GRIA4: variants seen among roughly 807,000 people sequenced by gnomAD.
The protein encoded by GRIA4 is glutamate receptor 4.
GRIA4 carries 34 observed loss-of-function variants against 104.0 expected under a neutral mutation model. The ratio of observed to expected loss-of-function variants is 0.33; its 90% CI spans 0.25 to 0.44. The LOEUF (loss-of-function observed/expected upper bound fraction) is 0.44. GRIA4 is among the 20% of genes least tolerant of loss of function. GRIA4 has a pLI of 1.00. For missense variants in GRIA4, 750 were observed against 1,096.5 expected (o/e 0.68, Z 4.46); for synonymous variants, 386 against 381.9 (o/e 1.01, Z -0.13).
chr11:105,859,140 C>T (rs1945125343), intron 4 of GRIA4, among the ~76,000 whole-genome samples: 2 of 152,012 alleles, frequency 1.3e-5, no homozygotes, highest in South Asian at 4.1e-4. Context: ...GTATTTTATC[C>T]TAGTTACAAT....
chr11:105,886,004 T>C lies in GRIA4; in HGVS notation c.673-1515T>C, dbSNP rs536422281. ...GAAGTACAACAAATCCTAAACAATATGAACAGAAATTAAAAAGTAAAAATC... is the reference window on the plus strand; with the variant it reads ...GAAGTACAACAAATCCTAAACAATACGAACAGAAATTAAAAAGTAAAAATC... On this transcript the variant is annotated intron_variant, in intron 5 of 16. Coordinates refer to ENST00000282499, the MANE Select transcript of GRIA4 (RefSeq NM_000829.4). Among the ~76,000 whole-genome samples the C allele has an allele frequency of 4.8e-4, 73 of 152,204 alleles. 1 individual carries two copies. The highest frequency in any genetic ancestry group is 1.5e-3 in the African/African-American group (62 of 41,528).
intron 3 of GRIA4, among the ~76,000 whole-genome samples, chr11:105,744,626 TC>T (rs944647313): frequency 1.3e-5 from 2 of 152,104 alleles, no homozygotes; most frequent in African/African-American, 4.8e-5. Flanking sequence ...AAGGCTCATC[TC>T]CTCTAGACCC....
intron 3 of GRIA4, among the ~76,000 whole-genome samples, chr11:105,660,925 G>C (rs545779242): frequency 6.6e-6 from 1 of 151,564 alleles, no homozygotes; most frequent in South Asian, 2.1e-4. Context: ...CTGTAGATAA[G>C]TTTATAGAGA....
chr11:105,878,134 T>C (rs1467894766), intron 5 of GRIA4, among the ~76,000 whole-genome samples: 1 of 152,194 alleles, frequency 6.6e-6, no homozygotes, highest in Non-Finnish European at 1.5e-5. Flanking sequence ...GCTATTCTTT[T>C]CTGTTTGTTA....
intron 5 of GRIA4, among the ~76,000 whole-genome samples, chr11:105,871,085 A>G (rs1945595561): frequency 6.6e-6 from 1 of 152,098 alleles, no homozygotes; most frequent in South Asian, 2.1e-4. Context: ...TCGGCTTAGG[A>G]AAACCCCTGC....
chr11:105,686,586 A>G (rs894613420), intron 3 of GRIA4, among the ~76,000 whole-genome samples: 9 of 152,300 alleles, frequency 5.9e-5, no homozygotes, highest in Admixed American at 5.2e-4. Context: ...TTGGATATAT[A>G]CCCAGCAATG....
chr11:105,688,186 CT>C (rs1455796973), intron 3 of GRIA4, among the ~76,000 whole-genome samples: 1 of 151,148 alleles, frequency 6.6e-6, no homozygotes, highest in Non-Finnish European at 1.5e-5. Flanking sequence ...ATCTATCTAT[CT>C]ATTTATCTAT....
intron 4 of GRIA4, among the ~76,000 whole-genome samples, chr11:105,768,507 T>C (rs569332436): frequency 6.6e-6 from 1 of 152,116 alleles, no homozygotes; most frequent in Non-Finnish European, 1.5e-5. Flanking sequence ...ATTGCTTCAG[T>C]TTTCACGTAA....
chr11:105,832,520 C>T lies in GRIA4; in HGVS notation c.488-29504C>T, dbSNP rs537858467. On this transcript the variant is annotated intron_variant, in intron 4 of 16. Transcript: ENST00000282499. ...TTCTCTGCTGCAACCCTCTGAAGTA[C>T]GCAGGGCTGGTATTAGTATCTTCAT... is the stretch of plus-strand genomic sequence containing the variant. 5.1e-4 allele frequency among the ~76,000 whole-genome samples: 78 copies of T among 151,908 alleles called. No homozygotes were observed. The South Asian group carries it at 8.1e-3, about 16-fold the overall frequency.
chr11:105,693,035 T>C (rs2135499699), intron 3 of GRIA4, among the ~76,000 whole-genome samples: 1 of 152,342 alleles, frequency 6.6e-6, no homozygotes, highest in African/African-American at 2.4e-5. Flanking sequence ...CTGAGGGCAT[T>C]GAAAGCTTCA....
chr11:105,744,530 G>C (rs1178146327), intron 3 of GRIA4, among the ~76,000 whole-genome samples: 1 of 152,168 alleles, frequency 6.6e-6, no homozygotes, highest in African/African-American at 2.4e-5. Flanking sequence ...CTAATACGGA[G>C]TGGTAAGGCT....
intron 4 of GRIA4, among the ~76,000 whole-genome samples, chr11:105,839,689 C>T (rs977243551): frequency 1.3e-5 from 2 of 151,740 alleles, no homozygotes; most frequent in African/African-American, 4.8e-5. Context: ...GCCTGGGCAA[C>T]AGAGCAAGAC....
chr11:105,956,336 C>T (rs1439445698), intron 14 of GRIA4, among the ~76,000 whole-genome samples: 1 of 152,118 alleles, frequency 6.6e-6, no homozygotes, highest in Non-Finnish European at 1.5e-5. Flanking sequence ...TCAATTCCCA[C>T]CTATGAGTGA....
intron 3 of GRIA4, among the ~76,000 whole-genome samples, chr11:105,616,781 T>C (rs1478485823): frequency 6.6e-5 from 10 of 151,808 alleles, no homozygotes; most frequent in Non-Finnish European, 1.3e-4. Flanking sequence ...AAATGAGTGA[T>C]GTGACTCAAC....
At chr11:105,667,183 C>T (rs1165435252) in intron 3 of GRIA4, among the ~76,000 whole-genome samples, 1 of 151,716 alleles carries the variant, frequency 6.6e-6, no homozygotes, top group African/African-American at 2.4e-5. Flanking sequence ...TTGTATGCAC[C>T]TAGCAAGGAA....
chr11:105,656,410 TA>T (rs60485377), intron 3 of GRIA4, among the ~76,000 whole-genome samples: 78,664 of 151,700 alleles, frequency 0.52, 20,667 homozygotes, highest in Admixed American at 0.61. Context: ...CCTAAACCAA[TA>T]AAAAAACCCT....
intron 6 of GRIA4, among the ~76,000 whole-genome samples, chr11:105,891,968 T>C (rs1045734397): frequency 6.6e-6 from 1 of 152,032 alleles, no homozygotes; most frequent in African/African-American, 2.4e-5. Context: ...GTTATTATAA[T>C]TGCTTTAATT....
At chr11:105,642,163 G>C (rs1951383556) in intron 3 of GRIA4, among the ~76,000 whole-genome samples, 1 of 152,050 alleles carries the variant, frequency 6.6e-6, no homozygotes, top group East Asian at 1.9e-4. Flanking sequence ...CACATTCTGA[G>C]GTACTGGGAA....
At chr11:105,792,254 G>A (rs1347459517) in intron 4 of GRIA4, among the ~76,000 whole-genome samples, 1 of 152,082 alleles carries the variant, frequency 6.6e-6, no homozygotes, top group African/African-American at 2.4e-5. Flanking sequence ...CGAACATCAA[G>A]AGCTAGAACT....
Sources: gnomAD v4.1 joint callset for allele counts (sites outside exome capture counted in the v4.1 genomes callset) on GRCh38, gnomAD v4.1.1 for gene constraint, MANE v1.5 for transcripts, NCBI Gene and HGNC (gene_info 2026-07-23, HGNC 2026-07-21) for gene names.